FHIT: variants seen among roughly 807,000 people sequenced by gnomAD.
The protein encoded by FHIT is bis(5'-adenosyl)-triphosphatase.
A neutral mutation model predicts 17.9 loss-of-function variants in FHIT; 19 were observed. The observed-to-expected ratio is 1.06, with a 90% confidence interval of 0.74 to 1.56. The LOEUF (loss-of-function observed/expected upper bound fraction) is 1.56, where lower values mean the gene tolerates loss of function less well. Ranked by LOEUF, FHIT falls within the 40% of genes most tolerant of loss-of-function variation. The pLI, the probability that FHIT is intolerant of heterozygous loss-of-function variation, is 0.00. For synonymous variants in FHIT, 81 were observed against 69.7 expected, an observed-to-expected ratio of 1.16 and a Z score of -0.81; for missense variants, 248 against 189.2, an observed-to-expected ratio of 1.31 and a Z score of -1.82.
intron 8 of FHIT, among the ~76,000 whole-genome samples, chr3:59,800,136 T>C (rs1248780098): frequency 1.3e-5 from 2 of 152,254 alleles, no homozygotes; most frequent in Non-Finnish European, 2.9e-5. Flanking sequence ...GCTTGCTCGG[T>C]ATTATTTAAA....
intron 5 of FHIT, among the ~76,000 whole-genome samples, chr3:60,073,094 T>A (rs1157667504): frequency 6.6e-6 from 1 of 152,174 alleles, no homozygotes; most frequent in Non-Finnish European, 1.5e-5. Context: ...TCTGCAGGTG[T>A]GAGTAATTAG....
intron 3 of FHIT, among the ~76,000 whole-genome samples, chr3:60,939,695 C>T (rs562567334): frequency 1.3e-5 from 2 of 151,708 alleles, no homozygotes; most frequent in Non-Finnish European, 2.9e-5. Flanking sequence ...TTATTATAAC[C>T]GAAGACATAA....
intron 5 of FHIT, among the ~76,000 whole-genome samples, chr3:60,382,040 A>C (rs1700820332): frequency 6.6e-6 from 1 of 152,208 alleles, no homozygotes; most frequent in Non-Finnish European, 1.5e-5. Context: ...CTTAATAGCT[A>C]CTATACTAGC....
intron 5 of FHIT, among the ~76,000 whole-genome samples, chr3:60,399,994 A>G (rs1368345279): frequency 6.6e-6 from 1 of 152,144 alleles, no homozygotes; most frequent in African/African-American, 2.4e-5. Flanking sequence ...AGTCAGTTCT[A>G]TTACAGGAAG....
intron 5 of FHIT, among the ~76,000 whole-genome samples, chr3:60,217,434 C>A (rs1195860370): frequency 1.3e-5 from 2 of 152,208 alleles, no homozygotes; most frequent in Non-Finnish European, 2.9e-5. Flanking sequence ...TATTCTGCTA[C>A]ACTGGTTTCT....
chr3:61,008,702 G>C (rs1330741772), intron 3 of FHIT, among the ~76,000 whole-genome samples: 2 of 152,082 alleles, frequency 1.3e-5, no homozygotes, highest in Admixed American at 6.5e-5. Flanking sequence ...TAATGAGGGA[G>C]GGACATTATC....
intron 5 of FHIT, among the ~76,000 whole-genome samples, chr3:60,374,805 G>A (rs1016871784): frequency 6.6e-6 from 1 of 151,984 alleles, no homozygotes; most frequent in African/African-American, 2.4e-5. Flanking sequence ...TAGTTGTGTG[G>A]CTGTGTGTTT....
chr3:61,101,984 A>G (rs762575680), intron 2 of FHIT, among the ~76,000 whole-genome samples: 3 of 152,200 alleles, frequency 2.0e-5, no homozygotes, highest in Admixed American at 6.5e-5. Flanking sequence ...TAAACATACA[A>G]TCATGTCATC....
chr3:60,092,384 C>G (rs1246308983), intron 5 of FHIT, among the ~76,000 whole-genome samples: 2 of 152,154 alleles, frequency 1.3e-5, no homozygotes, highest in African/African-American at 4.8e-5. Flanking sequence ...TGATCTGTTG[C>G]AAGGACAGGC....
chr3:59,941,993 C>T (rs185699658), intron 7 of FHIT, among the ~76,000 whole-genome samples: 1 of 152,284 alleles, frequency 6.6e-6, no homozygotes, highest in Non-Finnish European at 1.5e-5. Flanking sequence ...TGCCTTCCCC[C>T]ATAATACAGT....
Position 60,014,101 on chromosome 3 carries a change from G to C in FHIT, c.155C>G (p.Pro52Arg). 1 of 1,614,106 alleles carries C rather than the reference G, an allele frequency of 6.2e-7. No individual in the cohort carries two copies. The highest frequency in any genetic ancestry group is 8.5e-7 in the Non-Finnish European group (1 of 1,179,980). Residue 52 changes from proline to arginine, a missense_variant, in exon 6 of 10, where the codon CCT becomes CGT. Physicochemically the swap from Pro to Arg is moderately radical, Grantham distance 103. Coordinates refer to ENST00000492590, the MANE Select transcript of FHIT (RefSeq NM_002012.4). ...RPVERFHDLRPDEVADLFQTT... is the reference protein window; with the variant it reads ...RPVERFHDLRRDEVADLFQTT... ...CTGAAACAAATCGGCCACTTCATCA[G>C]GACGCAGGTCATGGAAGCGCTCCAC... is the stretch of plus-strand genomic sequence containing the variant.
At position 60,095,729 on chromosome 3, in the gene FHIT, C is replaced by A. The variant is rs114175045; in HGVS notation, c.104-81577G>T. ...AATCAAACATAAATCAGATCTCTCA[C>A]AGGCTGAGAAAAGGCAAAACAACAG... On this transcript the variant is annotated intron_variant, in intron 5 of 9. Coordinates refer to ENST00000492590, the MANE Select transcript of FHIT (RefSeq NM_002012.4). 3.4e-3 allele frequency among the ~76,000 whole-genome samples: 514 copies of A among 152,298 alleles called. 3 individuals carry two copies. The highest frequency in any genetic ancestry group is 0.012 in the African/African-American group (484 of 41,574).
intron 7 of FHIT, among the ~76,000 whole-genome samples, chr3:60,004,852 G>A (rs1699861782): frequency 6.6e-6 from 1 of 152,072 alleles, no homozygotes; most frequent in Admixed American, 6.6e-5. Context: ...AAAACTAATG[G>A]TGAACATGTA....
intron 4 of FHIT, among the ~76,000 whole-genome samples, chr3:60,545,018 C>A (rs569010447): frequency 1.3e-5 from 2 of 152,096 alleles, no homozygotes; most frequent in African/African-American, 4.8e-5. Flanking sequence ...ACTCTTTTGT[C>A]AAACTGTGTC....
intron 5 of FHIT, among the ~76,000 whole-genome samples, chr3:60,390,527 C>T (rs1023543550): frequency 4.6e-4 from 70 of 151,394 alleles, no homozygotes; most frequent in African/African-American, 1.6e-3. Context: ...AAAACGGCCT[C>T]AGGCAAGTCC....
At chr3:60,038,068 A>G in intron 5 of FHIT, among the ~76,000 whole-genome samples, 1 of 152,216 alleles carries the variant, frequency 6.6e-6, no homozygotes, top group East Asian at 1.9e-4. Flanking sequence ...TTTCAATGTT[A>G]TTAAATTTCA....
intron 5 of FHIT, among the ~76,000 whole-genome samples, chr3:60,216,773 C>A (rs1703717661): frequency 1.3e-5 from 2 of 152,150 alleles, no homozygotes; most frequent in African/African-American, 4.8e-5. Flanking sequence ...TTTTTCCAGA[C>A]ATGTTCCAGT....
intron 5 of FHIT, among the ~76,000 whole-genome samples, chr3:60,303,704 C>G (rs556909790): frequency 6.6e-6 from 1 of 152,272 alleles, no homozygotes; most frequent in East Asian, 1.9e-4. Flanking sequence ...TGAGCCACCC[C>G]TTGGAGGTGA....
chr3:60,463,814 A>G (rs1253939505), intron 5 of FHIT, among the ~76,000 whole-genome samples: 1 of 152,216 alleles, frequency 6.6e-6, no homozygotes, highest in Non-Finnish European at 1.5e-5. Flanking sequence ...GACAATCACA[A>G]TATGTACCTT....
Sources: gnomAD v4.1 joint callset for allele counts (sites outside exome capture counted in the v4.1 genomes callset) on GRCh38, gnomAD v4.1.1 for gene constraint, MANE v1.5 for transcripts, NCBI Gene and HGNC (gene_info 2026-07-23, HGNC 2026-07-21) for gene names.